Variants in FSIP1 observed in about 807,000 individuals in gnomAD.
The protein encoded by FSIP1 is fibrous sheath-interacting protein 1.
A neutral mutation model predicts 60.9 loss-of-function variants in FSIP1; 65 were observed. The observed-to-expected ratio is 1.07, with a 90% CI of 0.87 to 1.31. The LOEUF is 1.31. Among genes scored for constraint, FSIP1 ranks in the 40% most tolerant of loss-of-function variants. The probability of loss-of-function intolerance (pLI) is 0.00; values close to 1 mark genes in which losing one functional copy is unlikely to be tolerated. For missense variants in FSIP1, 675 were observed against 665.5 expected (o/e 1.01, Z -0.16); for synonymous variants, 209 against 221.2 (o/e 0.94, Z 0.49).
chr15:39,647,746 A>G (rs1892679438), intron 10 of FSIP1, among the ~76,000 whole-genome samples: 2 of 152,130 alleles, frequency 1.3e-5, no homozygotes, highest in African/African-American at 4.8e-5. Flanking sequence ...GAGGGAAGGC[A>G]TTAAAAAAAA....
chr15:39,666,429 G>A lies in FSIP1; in HGVS notation c.1188+47015C>T, dbSNP rs16952166. Reference sequence around the variant, plus strand: ...TTATGAACTATTTTTTCATCCATTCGTTCAGGCACTTATTTATAGGAAGTA... The same window carrying A: ...TTATGAACTATTTTTTCATCCATTCATTCAGGCACTTATTTATAGGAAGTA... On this transcript the variant is annotated intron_variant, in intron 10 of 11. Transcript: ENST00000350221. Among the ~76,000 whole-genome samples, 922 of 152,142 alleles carry A rather than the reference G, an allele frequency of 6.1e-3. 9 individuals are homozygous for A. The highest frequency in any genetic ancestry group is 0.021 in the African/African-American group (860 of 41,518).
intron 10 of FSIP1, among the ~76,000 whole-genome samples, chr15:39,645,718 C>T (rs1207543823): frequency 6.6e-6 from 1 of 152,170 alleles, no homozygotes; most frequent in East Asian, 1.9e-4. Context: ...CCTGCACCCT[C>T]GGGCACCCCA....
At chr15:39,759,218 T>C (rs1004732476) in intron 5 of FSIP1, among the ~76,000 whole-genome samples, 2 of 151,966 alleles carry the variant, frequency 1.3e-5, no homozygotes, top group African/African-American at 4.8e-5. Context: ...AAAATGCTTA[T>C]GGTGTTTGTG....
intron 10 of FSIP1, among the ~76,000 whole-genome samples, chr15:39,694,402 A>G (rs931408173): frequency 2.0e-5 from 3 of 152,266 alleles, no homozygotes; most frequent in African/African-American, 7.2e-5. Flanking sequence ...GCATTATAAA[A>G]CAAAGTCAAC....
chr15:39,675,765 C>T (rs1893911939), intron 10 of FSIP1, among the ~76,000 whole-genome samples: 1 of 152,154 alleles, frequency 6.6e-6, no homozygotes, highest in African/African-American at 2.4e-5. Flanking sequence ...CAGTCTCCTT[C>T]ACTTATTTCA....
intron 5 of FSIP1, among the ~76,000 whole-genome samples, chr15:39,757,623 T>C (rs1897340912): frequency 3.3e-5 from 5 of 152,104 alleles, no homozygotes; most frequent in Admixed American, 3.3e-4. Flanking sequence ...TGGCAATAAA[T>C]GACTCCAAAA....
intron 10 of FSIP1, among the ~76,000 whole-genome samples, chr15:39,710,624 T>A (rs16969662): frequency 0.12 from 18,839 of 152,040 alleles, 1,366 homozygotes; most frequent in African/African-American, 0.2. Flanking sequence ...CACACTTTAA[T>A]TCACAAAAAA....
rs578132647 is a variant in FSIP1 at position 39,727,540 on chromosome 15, G to A, written c.892-793C>T. On this transcript the variant is annotated intron_variant, in intron 8 of 11. Transcript: ENST00000350221. ...CTGACAGCAAGAGTGGAAGCAGAAA[G>A]ACCAGTTAAGAAGCAATAGCTATAA... Among the ~76,000 whole-genome samples the A allele has an allele frequency of 2.1e-3, 323 of 152,322 alleles. 3 individuals are homozygous for A. The highest frequency in any genetic ancestry group is 6.8e-3 in the Middle Eastern group (2 of 294).
At chr15:39,743,718 T>C (rs1276251875) in intron 5 of FSIP1, among the ~76,000 whole-genome samples, 2 of 152,166 alleles carry the variant, frequency 1.3e-5, no homozygotes, top group African/African-American at 4.8e-5. Context: ...CCATTTTCAT[T>C]TAAAGTGGCC....
chr15:39,672,497 G>A (rs773207231), intron 10 of FSIP1, among the ~76,000 whole-genome samples: 36 of 152,102 alleles, frequency 2.4e-4, no homozygotes, highest in Non-Finnish European at 1.9e-4. Context: ...TTGGCACTGC[G>A]GTTCTTTATA....
intron 10 of FSIP1, among the ~76,000 whole-genome samples, chr15:39,676,605 T>C (rs1226533905): frequency 9.3e-6 from 1 of 107,698 alleles, no homozygotes; most frequent in Non-Finnish European, 2.1e-5. Context: ...TAAAAATGAG[T>C]TTTTTCCCCT....
chr15:39,631,332 T>G (rs16969451), intron 10 of FSIP1, among the ~76,000 whole-genome samples: 27,545 of 152,076 alleles, frequency 0.18, 3,036 homozygotes, highest in East Asian at 0.32. Context: ...CATGACTTTG[T>G]ATGACAATGG....
Position 39,696,870 on chromosome 15 carries a change from C to CTG in FSIP1, c.1188+16572_1188+16573dup, listed in dbSNP as rs67940382. Among the ~76,000 whole-genome samples the CTG allele has an allele frequency of 2.4e-3, 269 of 111,776 alleles. 2 individuals are homozygous for CTG. The highest frequency in any genetic ancestry group is 0.021 in the East Asian group (68 of 3,280). The allele number at this position is 111,776 out of a possible 152,430, so 73.3% of individuals were successfully genotyped here. A position where few individuals can be genotyped will look rare whatever the true frequency, so the allele number is the denominator to read the frequency against. ...GGAAAGGAGGAGGGGGAAGGGGTGT[C>CTG]TGTGTGTGTGTGTGTGTGTGTGTGT... On this transcript the variant is annotated intron_variant, in intron 10 of 11. Transcript: ENST00000350221.
chr15:39,725,853 CA>C (rs1896171442), intron 9 of FSIP1, among the ~76,000 whole-genome samples: 1 of 151,016 alleles, frequency 6.6e-6, no homozygotes, highest in Admixed American at 6.6e-5. Context: ...GGCACTATAT[CA>C]GCTCACTGCA....
At chr15:39,751,652 G>A (rs929146764) in intron 5 of FSIP1, among the ~76,000 whole-genome samples, 5 of 151,842 alleles carry the variant, frequency 3.3e-5, no homozygotes, top group Non-Finnish European at 7.4e-5. Context: ...ATTACCTGGG[G>A]AGAGAACACT....
At chr15:39,744,093 G>A (rs754244539) in intron 5 of FSIP1, among the ~76,000 whole-genome samples, 3 of 152,192 alleles carry the variant, frequency 2.0e-5, no homozygotes, top group African/African-American at 4.8e-5. Flanking sequence ...GCATGTATGT[G>A]TGTATATGTG....
chr15:39,657,575 A>G (rs1353995857), intron 10 of FSIP1, among the ~76,000 whole-genome samples: 1 of 152,192 alleles, frequency 6.6e-6, no homozygotes, highest in African/African-American at 2.4e-5. Flanking sequence ...GGAGGCTTAA[A>G]TATTATTTAT....
intron 5 of FSIP1, among the ~76,000 whole-genome samples, chr15:39,753,424 G>A (rs925623816): frequency 5.9e-5 from 8 of 136,026 alleles, no homozygotes; most frequent in African/African-American, 2.0e-4. Flanking sequence ...TCACACACCT[G>A]TGTGTGCACA....
intron 3 of FSIP1, 99 bp downstream of exon 3, chr15:39,770,328 G>T: frequency 2.3e-6 from 2 of 853,640 alleles, no homozygotes; most frequent in South Asian, 3.2e-5. Context: ...ATATTTAGTT[G>T]ATAAAAACAC....
Sources: gnomAD v4.1 joint callset for allele counts (sites outside exome capture counted in the v4.1 genomes callset) on GRCh38, gnomAD v4.1.1 for gene constraint, MANE v1.5 for transcripts, NCBI Gene and HGNC (gene_info 2026-07-23, HGNC 2026-07-21) for gene names.